PCDH11Y: variants seen among roughly 807,000 people sequenced by gnomAD.
PCDH11Y encodes protocadherin 11 Y-linked, also known as protocadherin-11 Y-linked.
For synonymous variants in PCDH11Y, 9 were observed against 83.6 expected, an observed-to-expected ratio of 0.11 and a Z score of 4.87; for missense variants, 12 against 224.8, an observed-to-expected ratio of 0.05 and a Z score of 6.05.
intron 2 of PCDH11Y, among the ~76,000 whole-genome samples, chrY:5,330,877 G>T (rs2053130441): frequency 3.0e-5 from 1 of 33,204 alleles, no homozygotes; most frequent in Non-Finnish European, 7.5e-5. Context: ...AACAATTCTG[G>T]CTATGTTTAC....
At chrY:5,299,858 T>C in intron 2 of PCDH11Y, among the ~76,000 whole-genome samples, 5 of 32,486 alleles carry the variant, frequency 1.5e-4, no homozygotes, top group Non-Finnish European at 3.8e-4. Context: ...CTTTTAGTGT[T>C]CAGGAAACTC....
chrY:5,508,695 A>G, intron 3 of PCDH11Y, among the ~76,000 whole-genome samples: 1 of 33,228 alleles, frequency 3.0e-5, no homozygotes, highest in Non-Finnish European at 7.5e-5. Flanking sequence ...ATCACTATTC[A>G]TGAAACCTTT....
At chrY:5,170,501 G>T in intron 2 of PCDH11Y, among the ~76,000 whole-genome samples, 1 of 27,291 alleles carries the variant, frequency 3.7e-5, no homozygotes, top group African/African-American at 1.4e-4. Flanking sequence ...CCTAGAAAAT[G>T]ATAAACCCCA....
chrY:5,214,347 A>G (rs2124651513), intron 2 of PCDH11Y, among the ~76,000 whole-genome samples: 5 of 33,033 alleles, frequency 1.5e-4, no homozygotes, highest in Admixed American at 8.2e-4. Context: ...GTATTCATTC[A>G]GCTTCTTGGA....
chrY:5,645,909 C>T, intron 4 of PCDH11Y, among the ~76,000 whole-genome samples: 2 of 26,850 alleles, frequency 7.4e-5, no homozygotes, highest in African/African-American at 3.0e-4. Flanking sequence ...ATTAGTACAA[C>T]CACTATAGAG....
chrY:5,064,899 T>C, intron 1 of PCDH11Y, among the ~76,000 whole-genome samples: 1 of 30,469 alleles, frequency 3.3e-5, no homozygotes, highest in Non-Finnish European at 7.8e-5. Context: ...ATTGTATTTT[T>C]AGTAGAGACA....
At chrY:5,379,950 T>C (rs2124674278) in intron 2 of PCDH11Y, among the ~76,000 whole-genome samples, 1 of 28,762 alleles carries the variant, frequency 3.5e-5, no homozygotes, top group East Asian at 9.5e-4. Flanking sequence ...AAGCCACCTA[T>C]AGACAGCAAA....
intron 2 of PCDH11Y, among the ~76,000 whole-genome samples, chrY:5,450,156 C>T: frequency 3.1e-5 from 1 of 32,752 alleles, no homozygotes; most frequent in African/African-American, 1.2e-4. Context: ...CACAAGAGAA[C>T]AGCTATAGCA....
At chrY:5,717,031 G>A in intron 4 of PCDH11Y, among the ~76,000 whole-genome samples, 3 of 33,181 alleles carry the variant, frequency 9.0e-5, no homozygotes, top group Admixed American at 5.5e-4. Flanking sequence ...ATATTCACAT[G>A]CTGAAGAATG....
chrY:5,279,400 CAAAAAAAAAAA>C (rs1317323743), intron 2 of PCDH11Y, among the ~76,000 whole-genome samples: 1 of 534 alleles, frequency 1.9e-3, no homozygotes, highest in African/African-American at 8.3e-3. Context: ...AATTCTGTCT[CAAAAAAAAAAA>C]AAAAAAAAAA....
chrY:5,563,400 A>T, intron 3 of PCDH11Y, among the ~76,000 whole-genome samples: 3 of 33,622 alleles, frequency 8.9e-5, no homozygotes, highest in Non-Finnish European at 1.5e-4. Flanking sequence ...ACAGATACTA[A>T]TGTATCGTAG....
chrY:5,292,569 T>A (rs2053069195), intron 2 of PCDH11Y, among the ~76,000 whole-genome samples: 1 of 34,022 alleles, frequency 2.9e-5, no homozygotes, highest in East Asian at 7.8e-4. Context: ...CTGATGATTC[T>A]TTGAATTTGT....
At chrY:5,312,668 C>T in intron 2 of PCDH11Y, among the ~76,000 whole-genome samples, 1 of 27,475 alleles carries the variant, frequency 3.6e-5, no homozygotes, top group African/African-American at 1.4e-4. Flanking sequence ...ATCTTAAAGT[C>T]CCAATTATTT....
At chrY:5,396,289 G>C (rs2053227213) in intron 2 of PCDH11Y, among the ~76,000 whole-genome samples, 4 of 34,716 alleles carry the variant, frequency 1.2e-4, no homozygotes, top group South Asian at 1.3e-3. Context: ...TTCTTTTGTA[G>C]AGACGGAAGT....
In PCDH11Y at chrY:5,647,310, A is replaced by C. The variant is rs1157191332; in HGVS notation, c.3352+65512A>C. 1.8e-4 allele frequency among the ~76,000 whole-genome samples: 6 copies of C among 33,264 alleles called. No homozygotes were observed. The East Asian group carries it at 4.8e-3, about 27-fold the overall frequency. 89.2% of individuals were successfully genotyped at this position (33,264 alleles called of 37,273 possible). A position where few individuals can be genotyped will look rare whatever the true frequency, so the allele number is the denominator to read the frequency against. Reference sequence around the variant, plus strand: ...TGAGATTGATAACTGGGGGATTAATAGTGAAAACGGTCTCTTTATTTGATT... The same window carrying C: ...TGAGATTGATAACTGGGGGATTAATCGTGAAAACGGTCTCTTTATTTGATT... On this transcript the variant is annotated intron_variant, in intron 4 of 4. Coordinates refer to the PCDH11Y transcript ENST00000400457.
downstream of PCDH11Y, among the ~76,000 whole-genome samples, chrY:5,107,908 A>T: frequency 3.2e-5 from 1 of 31,425 alleles, no homozygotes; most frequent in African/African-American, 1.3e-4. Context: ...AAATACAAAA[A>T]ATTAGCCGGG....
intron 2 of PCDH11Y, among the ~76,000 whole-genome samples, chrY:5,159,452 T>C: frequency 3.4e-5 from 1 of 29,023 alleles, no homozygotes; most frequent in Non-Finnish European, 8.2e-5. Flanking sequence ...TAGCAGACTT[T>C]AGAGAGAATA....
intron 2 of PCDH11Y, among the ~76,000 whole-genome samples, chrY:5,426,131 G>T (rs1602923454): frequency 8.1e-4 from 27 of 33,336 alleles, no homozygotes; most frequent in African/African-American, 2.9e-3. Flanking sequence ...AGGATATTAA[G>T]TTTTTTTAAT....
intron 4 of PCDH11Y, among the ~76,000 whole-genome samples, chrY:5,638,793 TATC>T (rs2053520755): frequency 3.1e-5 from 1 of 32,214 alleles, no homozygotes; most frequent in African/African-American, 1.2e-4. Flanking sequence ...AGAAAACAAA[TATC>T]ATAGTGACGT....
Sources: gnomAD v4.1 joint callset for allele counts (sites outside exome capture counted in the v4.1 genomes callset) on GRCh38, gnomAD v4.1.1 for gene constraint, MANE v1.5 for transcripts, NCBI Gene and HGNC (gene_info 2026-07-23, HGNC 2026-07-21) for gene names.